TAFA2: variants seen among roughly 807,000 people sequenced by gnomAD.
The protein encoded by TAFA2 is TAFA chemokine like family member 2, also known as chemokine-like protein TAFA-2.
A neutral mutation model predicts 18.8 loss-of-function variants in TAFA2; 7 were observed. The observed-to-expected ratio is 0.37, with a 90% CI of 0.21 to 0.70. The LOEUF (loss-of-function observed/expected upper bound fraction) is 0.70, where lower values mean the gene tolerates loss of function less well. TAFA2 is among the 30% of genes least tolerant of loss of function. The probability of loss-of-function intolerance (pLI) is 0.53; values close to 1 mark genes in which losing one functional copy is unlikely to be tolerated. For synonymous variants in TAFA2, 60 were observed against 54.2 expected (o/e 1.11, Z -0.47); for missense variants, 122 against 158.1 (o/e 0.77, Z 1.23).
chr12:61,784,235 C>T (rs1403823974), intron 2 of TAFA2, among the ~76,000 whole-genome samples: 1 of 151,458 alleles, frequency 6.6e-6, no homozygotes, highest in African/African-American at 2.4e-5. Context: ...GTGAGAGACC[C>T]AGGAGACTGC....
At chr12:62,021,994 G>A in intron 1 of TAFA2, 1 of 674,206 alleles carries the variant, frequency 1.5e-6, no homozygotes. Context: ...CAGAGACTCT[G>A]CCTGGGCAAT....
At chr12:61,922,968 C>G (rs2121370106) in intron 1 of TAFA2, among the ~76,000 whole-genome samples, 1 of 152,294 alleles carries the variant, frequency 6.6e-6, no homozygotes, top group South Asian at 2.1e-4. Flanking sequence ...ACAGCGTAAA[C>G]AAAGCCACCA....
intron 1 of TAFA2, among the ~76,000 whole-genome samples, chr12:61,911,224 C>T (rs1876597495): frequency 6.6e-6 from 1 of 152,170 alleles, no homozygotes; most frequent in Non-Finnish European, 1.5e-5. Context: ...CATAATCACT[C>T]AGCAGCAGGA....
chr12:61,730,331 C>T (rs1870381318), intron 4 of TAFA2, among the ~76,000 whole-genome samples: 1 of 152,038 alleles, frequency 6.6e-6, no homozygotes, highest in South Asian at 2.1e-4. Flanking sequence ...GTTATAATAT[C>T]TTGAGTTAGT....
intron 1 of TAFA2, among the ~76,000 whole-genome samples, chr12:62,024,726 A>G (rs1377462800): frequency 6.6e-6 from 1 of 152,136 alleles, no homozygotes; most frequent in Non-Finnish European, 1.5e-5. Flanking sequence ...AAGATCTAAT[A>G]TCCAGAATCT....
At chr12:62,252,449 T>C (rs1204118483) in intron 1 of TAFA2, 1 of 152,202 alleles carries the variant, frequency 6.6e-6, no homozygotes, top group Non-Finnish European at 1.5e-5. Flanking sequence ...GCTCACCTTT[T>C]GGGAACAATA....
At chr12:62,016,398 G>T (rs1188668631) in intron 1 of TAFA2, among the ~76,000 whole-genome samples, 2 of 152,058 alleles carry the variant, frequency 1.3e-5, no homozygotes, top group Non-Finnish European at 2.9e-5. Flanking sequence ...AAAACACAAA[G>T]AAATTTTTAC....
intron 1 of TAFA2, among the ~76,000 whole-genome samples, chr12:62,143,152 C>T (rs934777749): frequency 6.6e-6 from 1 of 152,132 alleles, no homozygotes; most frequent in African/African-American, 2.4e-5. Context: ...TTTTTCAACA[C>T]GGAGATGGCT....
At chr12:61,746,958 C>A (rs919599567) in intron 4 of TAFA2, among the ~76,000 whole-genome samples, 1 of 151,962 alleles carries the variant, frequency 6.6e-6, no homozygotes, top group African/African-American at 2.4e-5. Context: ...AAATTTTCAC[C>A]ACCTACTCAT....
intron 1 of TAFA2, among the ~76,000 whole-genome samples, chr12:61,968,308 C>T (rs1299549952): frequency 6.6e-6 from 1 of 151,708 alleles, no homozygotes; most frequent in African/African-American, 2.4e-5. Context: ...TGTCAGTATT[C>T]TCAATCATTC....
intron 1 of TAFA2, among the ~76,000 whole-genome samples, chr12:61,927,720 A>G (rs1257048870): frequency 6.6e-6 from 1 of 152,258 alleles, no homozygotes; most frequent in Non-Finnish European, 1.5e-5. Flanking sequence ...CTAACCAAAA[A>G]GAACAAAGCT....
intron 1 of TAFA2, among the ~76,000 whole-genome samples, chr12:61,897,190 G>A (rs1206100707): frequency 6.6e-6 from 1 of 152,168 alleles, no homozygotes; most frequent in Non-Finnish European, 1.5e-5. Flanking sequence ...TAGGACCCAT[G>A]TAGAGTGGAT....
At chr12:62,098,466 C>G (rs1175822032) in intron 1 of TAFA2, among the ~76,000 whole-genome samples, 2 of 152,046 alleles carry the variant, frequency 1.3e-5, no homozygotes, top group Admixed American at 6.6e-5. Flanking sequence ...AAAATCCTTC[C>G]AAAATAGGAC....
chr12:61,908,583 C>G (rs7968617), intron 1 of TAFA2, among the ~76,000 whole-genome samples: 125,802 of 152,144 alleles, frequency 0.83, 52,544 homozygotes, highest in African/African-American at 0.94. Flanking sequence ...ATTCCAGGTA[C>G]GCTCAAAAAA....
At chr12:61,955,732 T>TA (rs1463397312) in intron 1 of TAFA2, among the ~76,000 whole-genome samples, 3 of 145,812 alleles carry the variant, frequency 2.1e-5, no homozygotes, top group African/African-American at 7.6e-5. Context: ...TATGTTTTTT[T>TA]AAAAAAATTG....
chr12:62,083,028 C>T (rs534586212), intron 1 of TAFA2, among the ~76,000 whole-genome samples: 130 of 152,240 alleles, frequency 8.5e-4, no homozygotes, highest in African/African-American at 3.0e-3. Flanking sequence ...CAAGATCACA[C>T]AGCCAGTAAA....
intron 1 of TAFA2, among the ~76,000 whole-genome samples, chr12:61,893,906 C>T (rs1375209938): frequency 6.6e-6 from 1 of 152,060 alleles, no homozygotes; most frequent in Non-Finnish European, 1.5e-5. Context: ...TTATATTTTC[C>T]ACCTTCACTG....
intron 4 of TAFA2, among the ~76,000 whole-genome samples, chr12:61,726,027 T>C (rs1000151261): frequency 4.6e-5 from 7 of 151,514 alleles, no homozygotes; most frequent in Non-Finnish European, 1.0e-4. Flanking sequence ...TTTCTTTTTT[T>C]TTTTTTAGAA....
At chr12:61,869,222 G>A (rs986567353) in intron 1 of TAFA2, among the ~76,000 whole-genome samples, 3 of 152,104 alleles carry the variant, frequency 2.0e-5, no homozygotes, top group Admixed American at 2.0e-4. Context: ...GACTGTTGGG[G>A]TTTAAAACCA....
Sources: allele counts gnomAD v4.1 joint callset (sites outside exome capture counted in the v4.1 genomes callset), GRCh38; gene constraint gnomAD v4.1.1; transcripts MANE v1.5; gene names NCBI Gene and HGNC (gene_info 2026-07-23, HGNC 2026-07-21).